The following GRIN2B variants were observed in gnomAD, a reference collection of about 807,000 sequenced individuals.
The protein encoded by GRIN2B is glutamate receptor ionotropic, NMDA 2B.
GRIN2B carries 5 observed loss-of-function variants against 114.5 expected under a neutral mutation model. The observed-to-expected ratio is 0.04, with a 90% confidence interval of 0.02 to 0.09. GRIN2B has a LOEUF of 0.09. Ranked by LOEUF, GRIN2B falls within the 10% of genes least tolerant of loss-of-function variation. The probability of loss-of-function intolerance (pLI) is 1.00; values close to 1 mark genes in which losing one functional copy is unlikely to be tolerated. For missense variants in GRIN2B, 1,108 were observed against 1,943.5 expected, an observed-to-expected ratio of 0.57 and a Z score of 8.08; for synonymous variants, 787 against 745.1, an observed-to-expected ratio of 1.06 and a Z score of -0.92.
intron 4 of GRIN2B, among the ~76,000 whole-genome samples, chr12:13,699,724 G>C (rs190609304): frequency 2.0e-4 from 30 of 151,994 alleles, no homozygotes; most frequent in African/African-American, 6.8e-4. Flanking sequence ...AAGTAGCTGG[G>C]ACTACAGGTG....
At chr12:13,832,070 C>A (rs1011141007) in intron 3 of GRIN2B, among the ~76,000 whole-genome samples, 2 of 152,006 alleles carry the variant, frequency 1.3e-5, no homozygotes, top group Non-Finnish European at 2.9e-5. Flanking sequence ...TGCTGGCCAA[C>A]AGAAGTAGAA....
At chr12:13,909,081 T>C (rs914219585) in intron 2 of GRIN2B, among the ~76,000 whole-genome samples, 6 of 152,178 alleles carry the variant, frequency 3.9e-5, no homozygotes, top group Non-Finnish European at 2.9e-5. Flanking sequence ...GAATATACTT[T>C]CTTCTCTCCT....
chr12:13,603,431 G>A (rs1163159662), intron 10 of GRIN2B, among the ~76,000 whole-genome samples: 2 of 152,072 alleles, frequency 1.3e-5, no homozygotes, highest in African/African-American at 4.8e-5. Context: ...GCTATAGTGA[G>A]CCAGGAACAC....
chr12:13,798,296 T>TAAAA (rs34266526), intron 3 of GRIN2B, among the ~76,000 whole-genome samples: 1 of 146,252 alleles, frequency 6.8e-6, no homozygotes. Context: ...ATTCATTTAC[T>TAAAA]AAAAAAAAAA....
At chr12:13,570,831 G>C (rs1355392430) in intron 11 of GRIN2B, among the ~76,000 whole-genome samples, 1 of 152,146 alleles carries the variant, frequency 6.6e-6, no homozygotes, top group Admixed American at 6.5e-5. Flanking sequence ...CTGCAAGAAA[G>C]AAAAGCAACA....
chr12:13,981,111 C>T (rs962018261), intron 1 of GRIN2B, among the ~76,000 whole-genome samples: 7 of 151,990 alleles, frequency 4.6e-5, no homozygotes, highest in African/African-American at 1.7e-4. Flanking sequence ...GGATGAAACC[C>T]CCCAAAAGAC....
At chr12:13,681,561 ACCTTCTAAAG>A (rs1397066583) in intron 4 of GRIN2B, among the ~76,000 whole-genome samples, 2 of 152,098 alleles carry the variant, frequency 1.3e-5, no homozygotes, top group Non-Finnish European at 2.9e-5. Flanking sequence ...TGCATGTGTC[ACCTTCTAAAG>A]CCTTCAGCTT....
chr12:13,806,799 A>G (rs1044610057), intron 3 of GRIN2B, among the ~76,000 whole-genome samples: 4 of 152,074 alleles, frequency 2.6e-5, no homozygotes, highest in Non-Finnish European at 4.4e-5. Flanking sequence ...CTTTGCCCAA[A>G]TCAGTGTTAT....
At chr12:13,746,148 C>G (rs1434231924) in intron 4 of GRIN2B, among the ~76,000 whole-genome samples, 1 of 152,062 alleles carries the variant, frequency 6.6e-6, no homozygotes, top group Non-Finnish European at 1.5e-5. Flanking sequence ...CCCTTTTAAA[C>G]AGAGTGATCA....
At chr12:13,832,402 G>A (rs780161046) in intron 3 of GRIN2B, among the ~76,000 whole-genome samples, 13 of 152,038 alleles carry the variant, frequency 8.6e-5, no homozygotes, top group African/African-American at 1.4e-4. Context: ...CATAGTATTC[G>A]AGAGTGTACA....
At chr12:13,711,796 C>T (rs1950417673) in intron 4 of GRIN2B, among the ~76,000 whole-genome samples, 1 of 152,148 alleles carries the variant, frequency 6.6e-6, no homozygotes, top group African/African-American at 2.4e-5. Context: ...TAAACTAGTT[C>T]AACCATTGTG....
chr12:13,903,507 G>A (rs181855325), intron 2 of GRIN2B, among the ~76,000 whole-genome samples: 3 of 152,162 alleles, frequency 2.0e-5, no homozygotes, highest in African/African-American at 4.8e-5. Context: ...CAAAACATAT[G>A]AGATTTGCTA....
At chr12:13,717,385 G>A (rs1051469665) in intron 4 of GRIN2B, among the ~76,000 whole-genome samples, 15 of 151,874 alleles carry the variant, frequency 9.9e-5, no homozygotes, top group African/African-American at 3.6e-4. Flanking sequence ...ATCCAGCCCC[G>A]CTTGGAATAC....
chr12:13,762,532 A>G (rs1345049558), intron 3 of GRIN2B, among the ~76,000 whole-genome samples: 2 of 152,224 alleles, frequency 1.3e-5, no homozygotes, highest in Non-Finnish European at 2.9e-5. Flanking sequence ...CTCTTCAAAC[A>G]CATTTGATCA....
At chr12:13,704,733 A>G (rs1462734434) in intron 4 of GRIN2B, among the ~76,000 whole-genome samples, 1 of 152,180 alleles carries the variant, frequency 6.6e-6, no homozygotes, top group African/African-American at 2.4e-5. Context: ...CATCTGCCTC[A>G]CAGCATTGTT....
intron 5 of GRIN2B, among the ~76,000 whole-genome samples, chr12:13,629,199 T>A (rs755766137): frequency 6.6e-6 from 1 of 152,194 alleles, no homozygotes; most frequent in Non-Finnish European, 1.5e-5. Context: ...GGTCGACCAC[T>A]CTTCTAGACA....
chr12:13,895,892 A>G (rs563857059), intron 2 of GRIN2B, among the ~76,000 whole-genome samples: 1 of 152,208 alleles, frequency 6.6e-6, no homozygotes, highest in Admixed American at 6.5e-5. Context: ...TCATGGTACT[A>G]TGGTATGTGG....
At chr12:13,674,763 C>T (rs552289724) in intron 5 of GRIN2B, among the ~76,000 whole-genome samples, 1 of 152,042 alleles carries the variant, frequency 6.6e-6, no homozygotes, top group Non-Finnish European at 1.5e-5. Context: ...ATATCATGAA[C>T]AAAGGGGTCT....
chr12:13,640,496 C>T (rs565340408), intron 5 of GRIN2B, among the ~76,000 whole-genome samples: 152 of 152,238 alleles, frequency 1.0e-3, no homozygotes, highest in African/African-American at 3.4e-3. Context: ...CTGGTCCTGG[C>T]TCAGCATCCA....
Sources: gnomAD v4.1 joint callset for allele counts (sites outside exome capture counted in the v4.1 genomes callset) on GRCh38, gnomAD v4.1.1 for gene constraint, MANE v1.5 for transcripts, NCBI Gene and HGNC (gene_info 2026-07-23, HGNC 2026-07-21) for gene names.